LRRC27: variants seen among roughly 807,000 people sequenced by gnomAD.
LRRC27 encodes leucine rich repeat containing 27.
A neutral mutation model predicts 55.0 loss-of-function variants in LRRC27; 57 were observed. The observed-to-expected ratio is 1.04, with a 90% CI of 0.84 to 1.29. LRRC27 has a LOEUF of 1.29. Ranked by LOEUF, LRRC27 falls within the 50% of genes most tolerant of loss-of-function variation. LRRC27 has a pLI of 0.00. For missense variants in LRRC27, 721 were observed against 651.5 expected, an observed-to-expected ratio of 1.11 and a Z score of -1.16; for synonymous variants, 278 against 251.9, an observed-to-expected ratio of 1.10 and a Z score of -0.98.
At chr10:132,331,291 G>A (rs2138527480), upstream of LRRC27, 3 of 747,740 alleles carry the variant, frequency 4.0e-6, no homozygotes, top group South Asian at 5.7e-5. Context: ...GGGACAGAGG[G>A]TGCTACTTTT....
Position 132,370,420 on chromosome 10 carries a change from A to C in LRRC27, c.1417-4646A>C, listed in dbSNP as rs904301084. On this transcript the variant is annotated intron_variant, in intron 10 of 10. Transcript: ENST00000368614. ...CCCTTGAGCCCAGAGGATGCCCATG[A>C]GGTGGGTCCCTTCACTTCAGTCCTG... Among the ~76,000 whole-genome samples the C allele has an allele frequency of 2.0e-5, 3 of 152,150 alleles. No homozygotes were observed. In the South Asian group the frequency reaches 6.2e-4, roughly 32 times the overall value.
At position 132,372,237 on chromosome 10, in the gene LRRC27, G is replaced by A. The variant is rs1203133627; in HGVS notation, c.1417-2829G>A. On this transcript the variant is annotated intron_variant, in intron 10 of 10. Coordinates refer to ENST00000368614, the MANE Select transcript of LRRC27 (RefSeq NM_030626.3). The surrounding 1 kb of genome is among the most constrained non-coding windows in gnomAD (Gnocchi z 4.0). ...GTGGCTCACGCCTGCAATCCCAGCTGAAAAGCACAGGAAGACAAAACCAAC... is the reference window on the plus strand; with the variant it reads ...GTGGCTCACGCCTGCAATCCCAGCTAAAAAGCACAGGAAGACAAAACCAAC... Among the ~76,000 whole-genome samples, 1 of 150,702 alleles carries A rather than the reference G, an allele frequency of 6.6e-6. No homozygotes were observed. Among genetic ancestry groups the A allele is most frequent in the Non-Finnish European group, 1.5e-5 (1 of 67,748 alleles).
chr10:132,338,049 C>G (rs2067217270), intron 3 of LRRC27, among the ~76,000 whole-genome samples: 1 of 152,204 alleles, frequency 6.6e-6, no homozygotes, highest in South Asian at 2.1e-4. Context: ...GGCGCGGTGG[C>G]TCACGCGTGT....
At chr10:132,355,191 T>G (rs1017459056) in intron 7 of LRRC27, among the ~76,000 whole-genome samples, 5 of 152,200 alleles carry the variant, frequency 3.3e-5, no homozygotes, top group Non-Finnish European at 7.3e-5. Flanking sequence ...TTCTCCTGCC[T>G]CAGCCTCCCG....
chr10:132,356,071 C>G (rs1388601180), intron 8 of LRRC27, among the ~76,000 whole-genome samples, 185 bp downstream of exon 8: 1 of 152,142 alleles, frequency 6.6e-6, no homozygotes, highest in Non-Finnish European at 1.5e-5. Context: ...AGGCTGCTGG[C>G]TGGTGGGGCT....
chr10:132,359,034 GATGGAGCAGT>G (rs2068475626), intron 8 of LRRC27, among the ~76,000 whole-genome samples: 1 of 54,712 alleles, frequency 1.8e-5, no homozygotes, highest in Non-Finnish European at 4.1e-5. Context: ...GAGCCGAGGT[GATGGAGCAGT>G]GTGGGGAGGA....
intron 7 of LRRC27, chr10:132,353,337 T>C: frequency 9.1e-7 from 1 of 1,104,220 alleles, no homozygotes; most frequent in African/African-American, 1.6e-5. Context: ...ACAGGGCTCT[T>C]GCACCGCCCC....
chr10:132,331,324 T>G, upstream of LRRC27: 1 of 1,064,574 alleles, frequency 9.4e-7, no homozygotes, highest in Non-Finnish European at 1.3e-6. Flanking sequence ...GATCCTGGAA[T>G]GAAGGTGCAC....
At chr10:132,361,599 A>G in intron 9 of LRRC27, 24 bp downstream of exon 9, 1 of 1,545,976 alleles carries the variant, frequency 6.5e-7, no homozygotes, top group Non-Finnish European at 8.9e-7. Flanking sequence ...ACTGGCACTC[A>G]GTCCTTCCAG....
chr10:132,349,424 A>AT (rs1315539460), intron 6 of LRRC27, among the ~76,000 whole-genome samples: 6 of 152,184 alleles, frequency 3.9e-5, no homozygotes, highest in Non-Finnish European at 5.9e-5. Context: ...CTAAAAGATT[A>AT]AAGGGTAGGA....
At chr10:132,344,187 A>G (rs1314448925) in intron 4 of LRRC27, among the ~76,000 whole-genome samples, 1 of 152,150 alleles carries the variant, frequency 6.6e-6, no homozygotes, top group East Asian at 1.9e-4. Flanking sequence ...TTATGTGGAA[A>G]ATGGGCATTT....
chr10:132,352,847 CTTG>C (rs1368453390), intron 7 of LRRC27: 1 of 1,611,522 alleles, frequency 6.2e-7, no homozygotes, highest in South Asian at 1.1e-5. Context: ...TGCCTGCTTT[CTTG>C]TTCTTTTCCC....
At chr10:132,351,490 C>A in intron 6 of LRRC27, 117 bp from the exon 7 acceptor site, 1 of 1,158,466 alleles carries the variant, frequency 8.6e-7, no homozygotes, top group Non-Finnish European at 1.2e-6. Flanking sequence ...TCTAGTCGTG[C>A]TAATTGTTCA....
Position 132,374,503 on chromosome 10 carries a change from A to G in LRRC27, c.1417-563A>G, listed in dbSNP as rs2069299162. On this transcript the variant is annotated intron_variant, in intron 10 of 10. Coordinates refer to ENST00000368614, the MANE Select transcript of LRRC27 (RefSeq NM_030626.3). This position sits in a 1 kb window ranked among gnomAD's most constrained non-coding sequence, Gnocchi z 4.4. ...CTGCCCAGGGGATTGGCCGTGGACCATGAGGTTTGGAACAGAAAGCCTGCC... is the reference window on the plus strand; with the variant it reads ...CTGCCCAGGGGATTGGCCGTGGACCGTGAGGTTTGGAACAGAAAGCCTGCC... 6.6e-6 allele frequency among the ~76,000 whole-genome samples: 1 copy of G among 152,148 alleles called. No individual in the cohort carries two copies. The highest frequency in any genetic ancestry group is 6.5e-5 in the Admixed American group (1 of 15,278).
chr10:132,354,046 C>G (rs962957675), intron 7 of LRRC27, among the ~76,000 whole-genome samples: 1 of 152,198 alleles, frequency 6.6e-6, no homozygotes, highest in African/African-American at 2.4e-5. Flanking sequence ...GAGTCCCACT[C>G]CCTCTTGGCC....
chr10:132,364,365 GCTTACACCCACCCAC>G (rs2068817033), intron 9 of LRRC27, among the ~76,000 whole-genome samples: 1 of 2,392 alleles, frequency 4.2e-4, no homozygotes, highest in African/African-American at 1.2e-3. Context: ...CCACACCCGC[GCTTACACCCACCCAC>G]ACTTACACCC....
chr10:132,351,711 G>A lies in LRRC27; in HGVS notation c.1031G>A (p.Arg344Gln), dbSNP rs770968812. ...RLEESRAAALRELQEKQALME... is the reference protein window; with the variant it reads ...RLEESRAAALQELQEKQALME... ...GAAGAGAGCCGAGCGGCGGCGCTCC[G>A]AGAGCTCCAGGAGAAGCAGGCTCTG... is the stretch of plus-strand genomic sequence containing the variant. The change falls in exon 7 of 11, where the codon CGA becomes CAA. Residue 344 changes from arginine to glutamine, a missense_variant. Arg to Gln is a conservative substitution (Grantham distance 43, BLOSUM62 1). Coordinates refer to ENST00000368614, the MANE Select transcript of LRRC27 (RefSeq NM_030626.3). 34 of 1,613,510 alleles carry A rather than the reference G, an allele frequency of 2.1e-5. No individual in the cohort carries two copies. The highest frequency in any genetic ancestry group is 1.6e-4 in the East Asian group (7 of 44,882).
intron 8 of LRRC27, among the ~76,000 whole-genome samples, chr10:132,356,278 T>G (rs1413446831): frequency 2.0e-5 from 3 of 152,194 alleles, no homozygotes; most frequent in Non-Finnish European, 4.4e-5. Context: ...GAGGTCGAGG[T>G]GAGCGCTACA....
intron 1 of LRRC27, among the ~76,000 whole-genome samples, chr10:132,332,743 T>C (rs1325993099): frequency 6.9e-6 from 1 of 145,578 alleles, no homozygotes; most frequent in Non-Finnish European, 1.6e-5. Context: ...CCCAATTAAC[T>C]GCGCCCCTGG....
Sources: allele counts gnomAD v4.1 joint callset (sites outside exome capture counted in the v4.1 genomes callset), GRCh38; gene constraint gnomAD v4.1.1; non-coding constraint Gnocchi (gnomAD v3.1); transcripts MANE v1.5; gene names NCBI Gene and HGNC (gene_info 2026-07-23, HGNC 2026-07-21).